MYH14: variants seen among roughly 807,000 people sequenced by gnomAD.
MYH14 encodes myosin-14.
MYH14 carries 123 observed loss-of-function variants against 255.5 expected under a neutral mutation model. The ratio of observed to expected loss-of-function variants is 0.48; its 90% CI spans 0.42 to 0.56. The LOEUF is 0.56. Ranked by LOEUF, MYH14 falls within the 20% of genes least tolerant of loss-of-function variation. The probability of loss-of-function intolerance (pLI) is 0.00; values close to 1 mark genes in which losing one functional copy is unlikely to be tolerated. For missense variants in MYH14, 2,423 were observed against 2,802.3 expected (o/e 0.86, Z 3.06); for synonymous variants, 1,095 against 1,161.2 (o/e 0.94, Z 1.16).
At chr19:50,299,662 T>C (rs2036409743) in intron 39 of MYH14, among the ~76,000 whole-genome samples, 1 of 150,562 alleles carries the variant, frequency 6.6e-6, no homozygotes, top group South Asian at 2.1e-4. Context: ...GACATATATC[T>C]GGCCGGGCGT....
At chr19:50,299,322 C>A (rs2036392522) in intron 39 of MYH14, among the ~76,000 whole-genome samples, 1 of 152,102 alleles carries the variant, frequency 6.6e-6, no homozygotes, top group South Asian at 2.1e-4. Flanking sequence ...GTGATTCCAG[C>A]ACTTTGGGAG....
intron 25 of MYH14, 125 bp from the exon 26 acceptor site, chr19:50,271,724 A>T: frequency 6.8e-7 from 1 of 1,479,122 alleles, no homozygotes; most frequent in Non-Finnish European, 9.1e-7. Context: ...AGGGGGAGGA[A>T]GGTCAGAGAA....
chr19:50,257,272 C>T (rs762941919), intron 17 of MYH14, 27 bp from the exon 18 acceptor site: 8 of 1,566,810 alleles, frequency 5.1e-6, no homozygotes, highest in Non-Finnish European at 6.9e-6. Flanking sequence ...ACCTCCTTCT[C>T]TCTCTCTCTG....
In MYH14 at chr19:50,257,246, C is replaced by T. The variant is rs924550626; in HGVS notation, c.2045-53C>T. 6.7e-6 allele frequency: 10 copies of T among 1,489,386 alleles called. No homozygotes were observed. The African/African-American group carries it at 1.1e-4, about 16-fold the overall frequency. 92.3% of individuals were successfully genotyped at this position (1,489,386 alleles called of 1,614,324 possible). A position where few individuals can be genotyped will look rare whatever the true frequency, so the allele number is the denominator to read the frequency against. On this transcript the variant is annotated intron_variant, in intron 17 of 42. Transcript: ENST00000642316. Reference sequence around the variant, plus strand: ...AGACCCTTGACCTTTGGCCCAGGTCCCTAAAACTGACCCTGACCTCCTTCT... The same window carrying T: ...AGACCCTTGACCTTTGGCCCAGGTCTCTAAAACTGACCCTGACCTCCTTCT...
chr19:50,265,736 G>A (rs1221661407), intron 22 of MYH14, among the ~76,000 whole-genome samples: 11 of 151,986 alleles, frequency 7.2e-5, no homozygotes, highest in Non-Finnish European at 1.2e-4. Flanking sequence ...CAGGTGAATC[G>A]CTTGAACTTG....
At chr19:50,262,793 C>T (rs986074458) in intron 21 of MYH14, among the ~76,000 whole-genome samples, 3 of 152,034 alleles carry the variant, frequency 2.0e-5, no homozygotes, top group African/African-American at 4.8e-5. Context: ...GGCTTTGGGA[C>T]TGGGCAGAGA....
intron 39 of MYH14, among the ~76,000 whole-genome samples, chr19:50,298,533 A>C (rs2036362997): frequency 6.6e-6 from 1 of 151,936 alleles, no homozygotes; most frequent in Non-Finnish European, 1.5e-5. Context: ...TGGGAGGCCG[A>C]GGCTGGCAGG....
chr19:50,294,389 T>C (rs1316909093), intron 39 of MYH14, among the ~76,000 whole-genome samples: 1 of 151,850 alleles, frequency 6.6e-6, no homozygotes, highest in Non-Finnish European at 1.5e-5. Flanking sequence ...TGATGGGATT[T>C]CCAAGGACAA....
At chr19:50,308,770 A>G (rs894537965) in intron 41 of MYH14, 2 of 537,420 alleles carry the variant, frequency 3.7e-6, no homozygotes, top group Non-Finnish European at 6.6e-6. Context: ...AGCTCTGGGT[A>G]TAGGAAGACC....
chr19:50,267,945 G>T (rs978078390), intron 23 of MYH14, among the ~76,000 whole-genome samples: 2 of 151,978 alleles, frequency 1.3e-5, no homozygotes, highest in African/African-American at 4.8e-5. Context: ...GTGAGGGAGG[G>T]CATCCCCAGG....
At chr19:50,281,531 C>T (rs919093086) in intron 32 of MYH14, 63 bp from the exon 33 acceptor site, 2 of 1,512,508 alleles carry the variant, frequency 1.3e-6, no homozygotes, top group African/African-American at 2.8e-5. Flanking sequence ...TGGAGCACCA[C>T]CAGCTTACAC....
chr19:50,219,498 T>C (rs2032695837), intron 3 of MYH14, among the ~76,000 whole-genome samples: 1 of 152,168 alleles, frequency 6.6e-6, no homozygotes, highest in African/African-American at 2.4e-5. Context: ...TTTAAAGATC[T>C]TTGTTCCCTC....
In MYH14 at chr19:50,276,051, A is replaced by C; in HGVS notation, c.3528A>C (p.Ala1176=). Residue 1176 remains alanine (A), a synonymous_variant, in exon 28 of 43, where the codon GCA becomes GCC. Coordinates refer to ENST00000642316, the MANE Select transcript of MYH14 (RefSeq NM_001145809.2). The surrounding 1 kb of genome is among the most constrained non-coding windows in gnomAD (Gnocchi z 4.3). ...QLLKSLREAQ[A]ALAEAQEDLE... is the part of the protein sequence containing the mutation. Reference sequence around the variant, plus strand: ...TGAAATCCCTGCGGGAGGCTCAAGCAGCCCTGGCCGAGGCCCAGGAGGACC... The same window carrying C: ...TGAAATCCCTGCGGGAGGCTCAAGCCGCCCTGGCCGAGGCCCAGGAGGACC... The C allele has an allele frequency of 6.2e-7, 1 of 1,612,488 alleles. No individual in the cohort carries two copies. Among genetic ancestry groups the C allele is most frequent in the Non-Finnish European group, 8.5e-7 (1 of 1,179,580 alleles).
rs1306832787 is a variant in MYH14 at position 50,250,524 on chromosome 19, C to T, written c.1666C>T (p.Pro556Ser). The T allele has an allele frequency of 1.2e-6, 2 of 1,613,106 alleles. No individual in the cohort carries two copies. The highest frequency in any genetic ancestry group is 1.7e-5 in the Admixed American group (1 of 59,878). The stretch of plus-strand genomic sequence containing the variant: ...TGCTGTCAATGGCCAGGCCAACCCC[C>T]CTGGACTCCTGGCCCTGCTGGATGA... ...IDLIERPANP[P>S]GLLALLDEEC... The change falls in exon 15 of 43, where the codon CCT becomes TCT. Residue 556 changes from proline (P) to serine (S), a missense_variant. Physicochemically the swap from Pro to Ser is moderately conservative, Grantham distance 74. This residue lies in a region of MYH14 where 672 missense variants were observed against 881.8 expected (regional missense o/e 0.76). Coordinates refer to ENST00000642316, the MANE Select transcript of MYH14 (RefSeq NM_001145809.2). The surrounding 1 kb of genome is among the most constrained non-coding windows in gnomAD (Gnocchi z 5.4).
At chr19:50,211,790 T>TG (rs2032207927) in intron 2 of MYH14, among the ~76,000 whole-genome samples, 2 of 150,714 alleles carry the variant, frequency 1.3e-5, no homozygotes, top group Middle Eastern at 3.4e-3. Flanking sequence ...GGGACCATCC[T>TG]GGGCATGGCA....
At chr19:50,214,889 C>T (rs549093603) in intron 2 of MYH14, among the ~76,000 whole-genome samples, 1 of 152,286 alleles carries the variant, frequency 6.6e-6, no homozygotes, top group African/African-American at 2.4e-5. Flanking sequence ...GGCCCCGCCT[C>T]GGCCTGGCTG....
intron 10 of MYH14, among the ~76,000 whole-genome samples, chr19:50,235,605 C>A (rs1470953259): frequency 6.6e-6 from 1 of 150,992 alleles, no homozygotes; most frequent in African/African-American, 2.4e-5. Flanking sequence ...TATGGTGAGA[C>A]CCTGTCTCTA....
chr19:50,267,478 C>G (rs992827884), intron 23 of MYH14, among the ~76,000 whole-genome samples: 1 of 152,066 alleles, frequency 6.6e-6, no homozygotes, highest in South Asian at 2.1e-4. Flanking sequence ...ATGGTGAAAC[C>G]CCGTCTCTAC....
intron 10 of MYH14, among the ~76,000 whole-genome samples, chr19:50,234,261 C>G (rs1315348051): frequency 6.6e-6 from 1 of 152,154 alleles, no homozygotes; most frequent in African/African-American, 2.4e-5. Context: ...ATGATTCAAC[C>G]CGTAACAAGT....
Sources: allele counts gnomAD v4.1 joint callset (sites outside exome capture counted in the v4.1 genomes callset), GRCh38; gene constraint gnomAD v4.1.1; regional missense constraint gnomAD v4.1.1; non-coding constraint Gnocchi (gnomAD v3.1); transcripts MANE v1.5; gene names NCBI Gene and HGNC (gene_info 2026-07-23, HGNC 2026-07-21).